Variants in MET observed in about 807,000 individuals in gnomAD.
The protein encoded by MET is MET proto-oncogene, receptor tyrosine kinase, also known as hepatocyte growth factor receptor.
In MET, 48 loss-of-function variants were observed where a neutral mutation model predicts 133.1. That is an observed-to-expected ratio of 0.36 (90% CI 0.29 to 0.46). The LOEUF is 0.46. Ranked by LOEUF, MET falls within the 20% of genes least tolerant of loss-of-function variation. The pLI, the probability that MET is intolerant of heterozygous loss-of-function variation, is 1.00. For synonymous variants in MET, 628 were observed against 616.5 expected, an observed-to-expected ratio of 1.02 and a Z score of -0.28; for missense variants, 1,442 against 1,695.9, an observed-to-expected ratio of 0.85 and a Z score of 2.63.
chr7:116,689,005 T>C (rs987726650), intron 1 of MET, among the ~76,000 whole-genome samples: 2 of 152,200 alleles, frequency 1.3e-5, no homozygotes, highest in Non-Finnish European at 2.9e-5. Context: ...AAAGCTTAAC[T>C]TGTTTATCTC....
intron 1 of MET, among the ~76,000 whole-genome samples, chr7:116,687,827 AG>A (rs1417128991): frequency 6.6e-6 from 1 of 152,168 alleles, no homozygotes; most frequent in Non-Finnish European, 1.5e-5. Flanking sequence ...TTGAGACTAG[AG>A]GGGGCTTGGC....
At chr7:116,794,647 T>C (rs2117103420) in intron 19 of MET, among the ~76,000 whole-genome samples, 1 of 152,308 alleles carries the variant, frequency 6.6e-6, no homozygotes, top group Middle Eastern at 3.4e-3. Context: ...ACTCCAGCTG[T>C]CTGGTGTGGA....
At chr7:116,688,581 T>A (rs541832747) in intron 1 of MET, among the ~76,000 whole-genome samples, 62 of 152,362 alleles carry the variant, frequency 4.1e-4, no homozygotes, top group Admixed American at 2.6e-3. Context: ...TTACATTATG[T>A]ACAATGGTAA....
At chr7:116,674,927 C>G (rs1796102529) in intron 1 of MET, among the ~76,000 whole-genome samples, 1 of 152,198 alleles carries the variant, frequency 6.6e-6, no homozygotes, top group Non-Finnish European at 1.5e-5. Flanking sequence ...TCATAGGATA[C>G]TCAATTTCCT....
chr7:116,759,317 A>G, intron 9 of MET, 74 bp from the exon 10 acceptor site: 2 of 1,564,514 alleles, frequency 1.3e-6, no homozygotes, highest in Non-Finnish European at 1.7e-6. Flanking sequence ...AGGTGATTAA[A>G]TTGAATCCCT....
intron 17 of MET, among the ~76,000 whole-genome samples, chr7:116,781,305 C>T (rs968636277): frequency 1.1e-4 from 16 of 152,166 alleles, no homozygotes; most frequent in African/African-American, 3.6e-4. Context: ...GGGTGTGCCT[C>T]CTCCTCTTGC....
At chr7:116,689,649 G>A (rs1796704493) in intron 1 of MET, among the ~76,000 whole-genome samples, 1 of 139,556 alleles carries the variant, frequency 7.2e-6, no homozygotes, top group African/African-American at 2.7e-5. Flanking sequence ...GTTCACTGCA[G>A]CCTCAACCTC....
At chr7:116,692,869 T>G (rs758717390) in intron 1 of MET, among the ~76,000 whole-genome samples, 43 of 152,258 alleles carry the variant, frequency 2.8e-4, no homozygotes, top group Admixed American at 8.5e-4. Context: ...TCAGTCTGTT[T>G]GAATCATCTT....
At chr7:116,789,799 A>G (rs1357379878) in intron 19 of MET, among the ~76,000 whole-genome samples, 2 of 152,152 alleles carry the variant, frequency 1.3e-5, no homozygotes, top group Non-Finnish European at 2.9e-5. Context: ...AAAATTTACC[A>G]TCTGAACGAT....
chr7:116,757,586 T>G, intron 7 of MET, 47 bp downstream of exon 7: 1 of 1,613,170 alleles, frequency 6.2e-7, no homozygotes, highest in Non-Finnish European at 8.5e-7. Flanking sequence ...CTTAATCTAT[T>G]TAAATTATAA....
At chr7:116,716,474 A>AAAGAAAGAAAGAAAGGAAGG (rs1792223793) in intron 2 of MET, among the ~76,000 whole-genome samples, 1 of 62,618 alleles carries the variant, frequency 1.6e-5, no homozygotes, top group African/African-American at 7.8e-5. Flanking sequence ...AAAGAGAAAG[A>AAAGAAAGAAAGAAAGGAAGG]AAGAAAGAAA....
intron 2 of MET, among the ~76,000 whole-genome samples, chr7:116,720,503 C>T (rs546373644): frequency 8.2e-6 from 1 of 121,710 alleles, no homozygotes; most frequent in East Asian, 2.2e-4. Context: ...ATTGCCCTGG[C>T]CAGAACTTCC....
intron 12 of MET, 166 bp downstream of exon 12, chr7:116,769,957 C>T (rs1794780349): frequency 1.0e-6 from 1 of 981,022 alleles, no homozygotes; most frequent in Admixed American, 2.1e-5. Flanking sequence ...CTTTTTGCCA[C>T]ATTGTCTCCT....
intron 11 of MET, among the ~76,000 whole-genome samples, chr7:116,768,591 A>G (rs543997725): frequency 6.6e-6 from 1 of 152,326 alleles, no homozygotes; most frequent in African/African-American, 2.4e-5. Context: ...TCCTAGAATA[A>G]TAACTGCCTG....
chr7:116,741,633 G>A (rs1056273991), intron 5 of MET, among the ~76,000 whole-genome samples: 4 of 152,232 alleles, frequency 2.6e-5, no homozygotes, highest in Admixed American at 6.5e-5. Flanking sequence ...GGTGAGGTGG[G>A]CAAGGCAAGT....
chr7:116,772,114 G>A (rs2117000078), intron 14 of MET, 125 bp downstream of exon 14: 1 of 1,019,894 alleles, frequency 9.8e-7, no homozygotes, highest in Non-Finnish European at 1.5e-6. Context: ...ATTTACCTCT[G>A]CCAAGTAAGT....
chr7:116,764,594 GCA>G (rs1794547073), intron 11 of MET, among the ~76,000 whole-genome samples: 2 of 151,880 alleles, frequency 1.3e-5, no homozygotes, highest in Non-Finnish European at 2.9e-5. Context: ...ACCCTTCCAA[GCA>G]CAGTCTTTAT....
At chr7:116,790,431 A>G (rs557578292) in intron 19 of MET, among the ~76,000 whole-genome samples, 2 of 152,328 alleles carry the variant, frequency 1.3e-5, no homozygotes, top group East Asian at 3.9e-4. Flanking sequence ...GTTCTAGTAT[A>G]TGACAAGATT....
intron 19 of MET, among the ~76,000 whole-genome samples, chr7:116,785,799 G>A (rs900858371): frequency 6.6e-5 from 10 of 150,874 alleles, no homozygotes; most frequent in African/African-American, 2.2e-4. Context: ...CCAAGGAATT[G>A]ATAAAAAGTC....
Sources: gnomAD v4.1 joint callset for allele counts (sites outside exome capture counted in the v4.1 genomes callset) on GRCh38, gnomAD v4.1.1 for gene constraint, MANE v1.5 for transcripts, NCBI Gene and HGNC (gene_info 2026-07-23, HGNC 2026-07-21) for gene names.